Variants in DCDC2C observed in about 807,000 individuals in gnomAD.
The protein encoded by DCDC2C is doublecortin domain containing 2C.
In DCDC2C, 44 loss-of-function variants were observed where a neutral mutation model predicts 45.0. The observed-to-expected ratio is 0.98, with a 90% CI of 0.77 to 1.26. The LOEUF is 1.26. Ranked by LOEUF, DCDC2C falls within the 50% of genes most tolerant of loss-of-function variation. The pLI, the probability that DCDC2C is intolerant of heterozygous loss-of-function variation, is 0.00. For missense variants in DCDC2C, 447 were observed against 468.9 expected (o/e 0.95, Z 0.43); for synonymous variants, 187 against 178.8 (o/e 1.05, Z -0.37).
At position 3,794,455 on chromosome 2, in the gene DCDC2C, G is replaced by A. The variant is rs574168779; in HGVS notation, c.1065+9355G>A. Among the ~76,000 whole-genome samples the A allele has an allele frequency of 7.2e-5, 11 of 152,166 alleles. No homozygotes were observed. The South Asian group carries it at 1.7e-3, about 23-fold the overall frequency. ...ATGTATACATGTGCCATGCTGGTGC[G>A]CTGCACCCATTAACTCGTCATCTAG... On this transcript the variant is annotated intron_variant, in intron 10 of 10. Coordinates refer to ENST00000399143, the MANE Select transcript of DCDC2C (RefSeq NM_001287444.2).
intron 4 of DCDC2C, among the ~76,000 whole-genome samples, chr2:3,748,217 TAGG>T (rs1327020273): frequency 6.6e-6 from 1 of 152,080 alleles, no homozygotes; most frequent in Non-Finnish European, 1.5e-5. Context: ...CGGGGTGGGA[TAGG>T]AGACTTGTTT....
intron 8 of DCDC2C, among the ~76,000 whole-genome samples, chr2:3,771,831 C>T (rs916679023): frequency 8.5e-5 from 13 of 152,214 alleles, no homozygotes; most frequent in African/African-American, 2.7e-4. Flanking sequence ...CTTGGCTCTG[C>T]GTCAGGGTGA....
intron 3 of DCDC2C, among the ~76,000 whole-genome samples, chr2:3,731,819 G>A (rs969165991): frequency 2.0e-5 from 3 of 152,294 alleles, no homozygotes; most frequent in Non-Finnish European, 2.9e-5. Flanking sequence ...TTGAGCTCAC[G>A]AGGCCATGTC....
chr2:3,755,582 T>G (rs1669686543), intron 6 of DCDC2C, among the ~76,000 whole-genome samples: 1 of 152,112 alleles, frequency 6.6e-6, no homozygotes, highest in Non-Finnish European at 1.5e-5. Flanking sequence ...TGTGTGTACA[T>G]ATGGATGTAT....
chr2:3,763,466 G>T (rs775066415), intron 6 of DCDC2C, among the ~76,000 whole-genome samples: 2 of 152,158 alleles, frequency 1.3e-5, no homozygotes, highest in Admixed American at 6.5e-5. Context: ...GTAACTGAAG[G>T]CTCCTTGCCC....
intron 4 of DCDC2C, among the ~76,000 whole-genome samples, chr2:3,751,825 A>C (rs952848782): frequency 6.6e-6 from 1 of 152,254 alleles, no homozygotes; most frequent in Admixed American, 6.5e-5. Flanking sequence ...CTGCCCGCTC[A>C]CTAGTGCTAA....
At chr2:3,810,654 C>G (rs574411712) in intron 10 of DCDC2C, among the ~76,000 whole-genome samples, 34 of 152,234 alleles carry the variant, frequency 2.2e-4, no homozygotes, top group African/African-American at 8.2e-4. Flanking sequence ...AAGTCTTTGC[C>G]CATGCCTGTG....
intron 8 of DCDC2C, among the ~76,000 whole-genome samples, chr2:3,778,614 T>A (rs1231811537): frequency 6.6e-6 from 1 of 152,086 alleles, no homozygotes. Flanking sequence ...CCAGCAATTT[T>A]ACCAAGCAGG....
intron 8 of DCDC2C, among the ~76,000 whole-genome samples, chr2:3,777,936 C>G (rs993573286): frequency 2.4e-4 from 36 of 152,238 alleles, no homozygotes; most frequent in Non-Finnish European, 2.9e-5. Context: ...GTGAGTGGTT[C>G]CAGGAAGGTG....
chr2:3,804,467 A>G lies in DCDC2C; in HGVS notation c.1065+19367A>G, dbSNP rs1008703096. Among the ~76,000 whole-genome samples, 40 of 152,220 alleles carry G rather than the reference A, an allele frequency of 2.6e-4. 1 individual carries two copies. The highest frequency in any genetic ancestry group is 1.9e-3 in the Admixed American group (29 of 15,280). The stretch of plus-strand genomic sequence containing the variant: ...AAGATGACAGTCAATTCATAAAGGA[A>G]GGACCTAGTAGTCCTCCTCCTCAAA... On this transcript the variant is annotated intron_variant, in intron 10 of 10. Coordinates refer to ENST00000399143, the MANE Select transcript of DCDC2C (RefSeq NM_001287444.2).
chr2:3,824,374 G>C (rs941128128), intron 10 of DCDC2C, among the ~76,000 whole-genome samples: 2 of 152,176 alleles, frequency 1.3e-5, no homozygotes, highest in African/African-American at 2.4e-5. Flanking sequence ...TGCAGACATA[G>C]ACAAATCTTG....
chr2:3,833,250 G>A (rs1468060759), intron 10 of DCDC2C, among the ~76,000 whole-genome samples: 1 of 152,142 alleles, frequency 6.6e-6, no homozygotes, highest in Non-Finnish European at 1.5e-5. Flanking sequence ...CTCTTTATTA[G>A]CAGCCTTAAT....
chr2:3,792,000 T>C (rs376832410), intron 10 of DCDC2C, among the ~76,000 whole-genome samples: 1 of 149,586 alleles, frequency 6.7e-6, no homozygotes, highest in Non-Finnish European at 1.5e-5. Flanking sequence ...ATTTTTTTTT[T>C]AATTCACCAG....
At position 3,703,982 on chromosome 2, in the gene DCDC2C, G is replaced by A. The variant is rs966790497; in HGVS notation, c.231G>A (p.Ala77=). 6.4e-5 allele frequency: 83 copies of A among 1,297,914 alleles called. No individual in the cohort carries two copies. The East Asian group carries it at 2.3e-3, about 35-fold the overall frequency. The allele number at this position is 1,297,914 out of a possible 1,614,324, so 80.4% of individuals were successfully genotyped here. The change falls in exon 1 of 11, where the codon GCG becomes GCA. Residue 77 remains alanine, a synonymous_variant. Transcript: ENST00000399143. The surrounding 1 kb of genome is among the most constrained non-coding windows in gnomAD (Gnocchi z 4.4). The part of the protein sequence containing the change: ...TRGHRVLGLD[A]LQAGGKYVAA... Reference sequence around the variant, plus strand: ...GGCACCGGGTGCTGGGGCTGGACGCGCTGCAGGCGGGCGGCAAGTACGTGG... The same window carrying A: ...GGCACCGGGTGCTGGGGCTGGACGCACTGCAGGCGGGCGGCAAGTACGTGG...
intron 7 of DCDC2C, 69 bp from the exon 8 acceptor site, chr2:3,769,242 C>G: frequency 6.9e-7 from 1 of 1,457,996 alleles, no homozygotes; most frequent in East Asian, 2.5e-5. Context: ...GGGTTTGGGT[C>G]AGGAAATATG....
At chr2:3,744,308 C>T (rs1443824745) in intron 4 of DCDC2C, among the ~76,000 whole-genome samples, 1 of 152,116 alleles carries the variant, frequency 6.6e-6, no homozygotes. Context: ...GGACATGAAG[C>T]CACAGTCAGT....
Position 3,809,681 on chromosome 2 carries a change from G to A in DCDC2C, c.1065+24581G>A, listed in dbSNP as rs1671340804. On this transcript the variant is annotated intron_variant, in intron 10 of 10. Coordinates refer to ENST00000399143, the MANE Select transcript of DCDC2C (RefSeq NM_001287444.2). ...GCAGAACATGCAGGTTTGTTACACAGGTATACATGTGCCATGGTGGTCTGC... is the reference window on the plus strand; with the variant it reads ...GCAGAACATGCAGGTTTGTTACACAAGTATACATGTGCCATGGTGGTCTGC... Among the ~76,000 whole-genome samples the A allele has an allele frequency of 3.3e-5, 5 of 152,076 alleles. No homozygotes were observed. The South Asian group carries it at 1.0e-3, about 32-fold the overall frequency.
At chr2:3,816,017 G>A (rs1297791933) in intron 10 of DCDC2C, among the ~76,000 whole-genome samples, 2 of 147,636 alleles carry the variant, frequency 1.4e-5, no homozygotes, top group Non-Finnish European at 3.1e-5. Context: ...GGGTGGTATG[G>A]AGAGATAACG....
chr2:3,770,535 A>G (rs1488946319), intron 8 of DCDC2C, among the ~76,000 whole-genome samples: 4 of 152,250 alleles, frequency 2.6e-5, no homozygotes, highest in African/African-American at 4.8e-5. Context: ...TGACATGTCA[A>G]AAATGACTAA....
Sources: allele counts gnomAD v4.1 joint callset (sites outside exome capture counted in the v4.1 genomes callset), GRCh38; gene constraint gnomAD v4.1.1; non-coding constraint Gnocchi (gnomAD v3.1); transcripts MANE v1.5; gene names NCBI Gene and HGNC (gene_info 2026-07-23, HGNC 2026-07-21).